The following TAMM41 variants were observed in gnomAD, a reference collection of about 807,000 sequenced individuals.
TAMM41 encodes phosphatidate cytidylyltransferase, mitochondrial.
In TAMM41, 36 loss-of-function variants were observed where a neutral mutation model predicts 44.1. The ratio of observed to expected loss-of-function variants is 0.82; its 90% CI spans 0.63 to 1.08. TAMM41 has a LOEUF of 1.08. Ranked by LOEUF, TAMM41 falls within the 50% of genes least tolerant of loss-of-function variation. The pLI, the probability that TAMM41 is intolerant of heterozygous loss-of-function variation, is 0.00. For missense variants in TAMM41, 417 were observed against 404.3 expected (o/e 1.03, Z -0.27); for synonymous variants, 164 against 153.1 (o/e 1.07, Z -0.53).
intron 5 of TAMM41, among the ~76,000 whole-genome samples, chr3:11,812,289 C>A (rs1438478510): frequency 6.6e-6 from 1 of 152,160 alleles, no homozygotes; most frequent in Non-Finnish European, 1.5e-5. Context: ...CAGAGATGAG[C>A]ACCACCTGTA....
intron 7 of TAMM41, among the ~76,000 whole-genome samples, chr3:11,793,499 A>G (rs943377367): frequency 6.6e-6 from 1 of 152,202 alleles, no homozygotes; most frequent in Non-Finnish European, 1.5e-5. Flanking sequence ...TACATACCTG[A>G]CAGGAATGCA....
In TAMM41 at chr3:11,829,791, G is replaced by A. The variant is rs1281767352; in HGVS notation, c.485C>T (p.Thr162Ile). The change falls in exon 4 of 8, where the codon ACC becomes ATC. Residue 162 changes from threonine to isoleucine, a missense_variant. By Grantham distance (89) the Thr-to-Ile change is moderately conservative (BLOSUM62 -1). Transcript: ENST00000455809. ...TTCGGGGAGCATGAGGAAAGCAGCG[G>A]TCACAGCACTCTTCAGATTTCTATC... ...ALDRNLKSAV[T>I]AAFLMLPESF... The A allele has an allele frequency of 6.2e-6, 10 of 1,614,032 alleles. No homozygotes were observed. Among genetic ancestry groups the A allele is most frequent in the Middle Eastern group, 1.6e-4 (1 of 6,084 alleles).
At chr3:11,733,400 T>C in the TAMM41 span, among the ~76,000 whole-genome samples, 29 of 152,294 alleles carry the variant, frequency 1.9e-4, no homozygotes, top group South Asian at 5.8e-3. Flanking sequence ...TGCAGGGACC[T>C]GGCTGAGGCA....
the TAMM41 span, among the ~76,000 whole-genome samples, chr3:11,755,357 C>T: frequency 6.6e-6 from 1 of 152,060 alleles, no homozygotes; most frequent in South Asian, 2.1e-4. Flanking sequence ...TAAGAAGAGT[C>T]GGCTTGTGGG....
At chr3:11,738,763 C>A in the TAMM41 span, among the ~76,000 whole-genome samples, 1 of 152,184 alleles carries the variant, frequency 6.6e-6, no homozygotes, top group Admixed American at 6.6e-5. Flanking sequence ...GTTTCCTGAC[C>A]AGCAGGAGAC....
At chr3:11,775,315 G>T in the TAMM41 span, among the ~76,000 whole-genome samples, 1 of 152,098 alleles carries the variant, frequency 6.6e-6, no homozygotes, top group Non-Finnish European at 1.5e-5. Flanking sequence ...CCCCACGTTT[G>T]CCAGGCTTTG....
At chr3:11,758,191 C>T in the TAMM41 span, among the ~76,000 whole-genome samples, 1 of 152,224 alleles carries the variant, frequency 6.6e-6, no homozygotes, top group Non-Finnish European at 1.5e-5. Context: ...TTAGAGAGCC[C>T]GCATCTCAAG....
chr3:11,821,655 A>T (rs1353145497), intron 4 of TAMM41, among the ~76,000 whole-genome samples: 1 of 152,224 alleles, frequency 6.6e-6, no homozygotes, highest in African/African-American at 2.4e-5. Context: ...ACTACTTATG[A>T]TATGTATATA....
chr3:11,739,771 C>T, the TAMM41 span, among the ~76,000 whole-genome samples: 1 of 151,130 alleles, frequency 6.6e-6, no homozygotes, highest in Non-Finnish European at 1.5e-5. Context: ...CTCACTGCAC[C>T]AACTCTGGAC....
downstream of TAMM41, among the ~76,000 whole-genome samples, chr3:11,787,662 G>A (rs557557422): frequency 1.1e-4 from 17 of 152,284 alleles, no homozygotes; most frequent in Admixed American, 9.8e-4. Flanking sequence ...CAAGAACCAC[G>A]TTAGGTAATT....
At chr3:11,785,527 T>C (rs1019143658), downstream of TAMM41, among the ~76,000 whole-genome samples, 6 of 152,190 alleles carry the variant, frequency 3.9e-5, no homozygotes, top group African/African-American at 7.2e-5. Context: ...GGTTTCACCA[T>C]GTTGGCCAGG....
the TAMM41 span, among the ~76,000 whole-genome samples, chr3:11,771,004 G>T: frequency 3.9e-5 from 6 of 152,070 alleles, 1 homozygote. Context: ...GCCCTGAGGC[G>T]GGCAGCTGGT....
At chr3:11,783,372 T>G in the TAMM41 span, among the ~76,000 whole-genome samples, 6 of 152,190 alleles carry the variant, frequency 3.9e-5, no homozygotes, top group Non-Finnish European at 8.8e-5. Flanking sequence ...GTGACAGAGC[T>G]GACCTGGGGG....
At chr3:11,803,659 T>C in intron 7 of TAMM41, among the ~76,000 whole-genome samples, 1 of 152,208 alleles carries the variant, frequency 6.6e-6, no homozygotes, top group East Asian at 1.9e-4. Context: ...ATAGCAATGA[T>C]ATGGAATTAA....
intron 5 of TAMM41, among the ~76,000 whole-genome samples, chr3:11,814,504 G>C (rs573543124): frequency 1.1e-3 from 161 of 149,312 alleles, no homozygotes; most frequent in African/African-American, 3.6e-3. Context: ...GAAGAGACGA[G>C]AGAGAGAGAG....
chr3:11,748,911 AT>A, the TAMM41 span, among the ~76,000 whole-genome samples: 103 of 119,090 alleles, frequency 8.6e-4, no homozygotes, highest in Admixed American at 1.3e-3. Context: ...TGGGAAGTAG[AT>A]TTTTTTTTTT....
At chr3:11,777,776 G>A in the TAMM41 span, among the ~76,000 whole-genome samples, 2 of 152,076 alleles carry the variant, frequency 1.3e-5, no homozygotes, top group African/African-American at 4.8e-5. Context: ...CCTGGGTGAG[G>A]GAACGAGATT....
At chr3:11,789,086 G>T (rs1329920159), downstream of TAMM41, among the ~76,000 whole-genome samples, 4 of 152,188 alleles carry the variant, frequency 2.6e-5, no homozygotes, top group Non-Finnish European at 4.4e-5. Context: ...TTCTACAGGG[G>T]TGAGTGCACA....
At chr3:11,726,269 T>C in the TAMM41 span, among the ~76,000 whole-genome samples, 1 of 152,238 alleles carries the variant, frequency 6.6e-6, no homozygotes, top group Non-Finnish European at 1.5e-5. Context: ...TCTGAAGATG[T>C]GGGTTCTAGT....
Sources: gnomAD v4.1 joint callset for allele counts (sites outside exome capture counted in the v4.1 genomes callset) on GRCh38, gnomAD v4.1.1 for gene constraint, MANE v1.5 for transcripts, NCBI Gene and HGNC (gene_info 2026-07-23, HGNC 2026-07-21) for gene names.